Variants in CCDC3 observed in about 807,000 individuals in gnomAD.
CCDC3 encodes coiled-coil domain-containing protein 3.
CCDC3 carries 24 observed loss-of-function variants against 21.4 expected under a neutral mutation model. The ratio of observed to expected loss-of-function variants is 1.12; its 90% CI spans 0.81 to 1.58. The LOEUF (loss-of-function observed/expected upper bound fraction) is 1.58, where lower values mean the gene tolerates loss of function less well. CCDC3 is among the 40% of genes most tolerant of loss of function. The pLI is 0.00. For missense variants in CCDC3, 425 were observed against 360.9 expected (o/e 1.18, Z -1.44); for synonymous variants, 186 against 166.0 (o/e 1.12, Z -0.93).
At chr10:12,903,952 T>C (rs1834130496) in intron 2 of CCDC3, among the ~76,000 whole-genome samples, 1 of 152,258 alleles carries the variant, frequency 6.6e-6, no homozygotes, top group Non-Finnish European at 1.5e-5. Context: ...GTAACATTTC[T>C]TCCTAGTATT....
chr10:13,021,524 G>A (rs1836144554), intron 5 of CCDC3, among the ~76,000 whole-genome samples: 1 of 152,148 alleles, frequency 6.6e-6, no homozygotes, highest in African/African-American at 2.4e-5. Flanking sequence ...AATCTATTCT[G>A]CCCAGAGGTG....
In CCDC3 at chr10:13,052,967, CACACACACACACACACACAT is replaced by C. The variant is rs67068757; in HGVS notation, c.-269-3046_-269-3027del. Among the ~76,000 whole-genome samples the C allele has an allele frequency of 4.9e-3, 625 of 126,608 alleles. 4 individuals carry two copies. The highest frequency in any genetic ancestry group is 0.014 in the African/African-American group (435 of 32,186). The allele number at this position is 126,608 out of a possible 152,430, so 83.1% of individuals were successfully genotyped here. On this transcript the variant is annotated intron_variant, in intron 4 of 6. Transcript: ENST00000378839. ...ACACACACACACACACACACACACA[CACACACACACACACACACAT>C]ACACACACACACCTAGAAGTTCCAA...
chr10:13,054,701 C>A (rs111862374), intron 4 of CCDC3, among the ~76,000 whole-genome samples: 73 of 152,200 alleles, frequency 4.8e-4, no homozygotes, highest in Middle Eastern at 3.4e-3. Flanking sequence ...GAATTTCCCT[C>A]TTGTTGCCCA....
intron 2 of CCDC3, among the ~76,000 whole-genome samples, chr10:12,942,229 G>T (rs183204917): frequency 6.6e-6 from 1 of 152,132 alleles, no homozygotes; most frequent in African/African-American, 2.4e-5. Context: ...TTTGCTACCA[G>T]AGCAAGTAAT....
chr10:13,084,201 T>A (rs912713244), intron 3 of CCDC3, among the ~76,000 whole-genome samples: 2 of 152,034 alleles, frequency 1.3e-5, no homozygotes, highest in African/African-American at 4.8e-5. Flanking sequence ...ATACCTAGGG[T>A]GGACATGTTT....
At chr10:13,062,641 C>A (rs188381806) in intron 4 of CCDC3, among the ~76,000 whole-genome samples, 1 of 152,148 alleles carries the variant, frequency 6.6e-6, no homozygotes, top group African/African-American at 2.4e-5. Flanking sequence ...GCTGAACTAA[C>A]TTTGGGAGAA....
rs189474781 is a variant in CCDC3 at position 13,024,754 on chromosome 10, C to A, written c.-2+24920G>T. ...CAGATTGCGCATTCCATATTTTCTGCCTGAAAATCTCCTTAGCCAGGTCCA... is the reference window on the plus strand; with the variant it reads ...CAGATTGCGCATTCCATATTTTCTGACTGAAAATCTCCTTAGCCAGGTCCA... On this transcript the variant is annotated intron_variant, in intron 5 of 6. Coordinates refer to the CCDC3 transcript ENST00000378839. Among the ~76,000 whole-genome samples the A allele has an allele frequency of 2.7e-3, 410 of 152,292 alleles. 3 individuals carry two copies. The highest frequency in any genetic ancestry group is 9.3e-3 in the African/African-American group (385 of 41,580).
At chr10:13,072,979 G>A (rs1334465343) in intron 4 of CCDC3, among the ~76,000 whole-genome samples, 4 of 149,008 alleles carry the variant, frequency 2.7e-5, no homozygotes, top group Non-Finnish European at 5.9e-5. Flanking sequence ...CGATTCTCCT[G>A]CCTCAGCCTC....
At chr10:13,099,400 C>G (rs1413337853) in intron 1 of CCDC3, 2 of 140,584 alleles carry the variant, frequency 1.4e-5, no homozygotes, top group Non-Finnish European at 3.1e-5. Flanking sequence ...CTCCCTCTCT[C>G]CGTCCCTCCC....
intron 2 of CCDC3, among the ~76,000 whole-genome samples, chr10:12,987,731 C>T (rs1049220890): frequency 6.6e-6 from 1 of 152,146 alleles, no homozygotes; most frequent in African/African-American, 2.4e-5. Context: ...TTGGCCAATA[C>T]CCTGGGGGTG....
chr10:13,007,960 C>T (rs1396996542), intron 5 of CCDC3, among the ~76,000 whole-genome samples: 1 of 152,108 alleles, frequency 6.6e-6, no homozygotes, highest in African/African-American at 2.4e-5. Context: ...TCTGGGGCTT[C>T]CTACTGCAGG....
chr10:12,988,206 C>T (rs11813712), intron 2 of CCDC3, among the ~76,000 whole-genome samples: 7,034 of 152,224 alleles, frequency 0.046, 560 homozygotes, highest in African/African-American at 0.16. Context: ...AAGGCCAAGC[C>T]ATTTTCACCT....
At chr10:13,099,528 C>G (rs1315050551) in exon 1 of CCDC3, 1 of 151,430 alleles carries the variant, frequency 6.6e-6, no homozygotes, top group Non-Finnish European at 1.5e-5. Flanking sequence ...CTGTCTAATC[C>G]GGGGGCAGCT....
chr10:13,016,272 T>TG (rs1836057823), intron 5 of CCDC3, among the ~76,000 whole-genome samples: 1 of 150,570 alleles, frequency 6.6e-6, no homozygotes, highest in Non-Finnish European at 1.5e-5. Context: ...ATGATGCAGT[T>TG]ATCCCACCTG....
upstream of CCDC3, among the ~76,000 whole-genome samples, chr10:13,003,232 T>C (rs1185217072): frequency 1.3e-5 from 2 of 152,252 alleles, no homozygotes; most frequent in Non-Finnish European, 2.9e-5. Flanking sequence ...CCTTAGTCAT[T>C]GTTGACCATG....
intron 2 of CCDC3, among the ~76,000 whole-genome samples, chr10:12,959,879 C>T (rs750479109): frequency 6.6e-6 from 1 of 152,178 alleles, no homozygotes; most frequent in African/African-American, 2.4e-5. Context: ...CCTGGCCAGA[C>T]ACAGTGGCTC....
chr10:13,091,645 C>T (rs1832571691), intron 3 of CCDC3, among the ~76,000 whole-genome samples: 1 of 152,174 alleles, frequency 6.6e-6, no homozygotes, highest in East Asian at 1.9e-4. Flanking sequence ...TCAACAACTC[C>T]CTTCATCTCC....
intron 2 of CCDC3, among the ~76,000 whole-genome samples, chr10:12,995,086 GAA>G (rs11355303): frequency 9.2e-4 from 129 of 139,986 alleles, no homozygotes; most frequent in South Asian, 2.3e-3. Context: ...CATCTCAAAA[GAA>G]AAAAAAAAAA....
chr10:12,960,176 C>CACACACACA (rs1306804718), intron 2 of CCDC3, among the ~76,000 whole-genome samples: 1 of 151,624 alleles, frequency 6.6e-6, no homozygotes, highest in Non-Finnish European at 1.5e-5. Context: ...ACAACACACA[C>CACACACACA]ACACACACAC....
Sources: allele counts gnomAD v4.1 joint callset (sites outside exome capture counted in the v4.1 genomes callset), GRCh38; gene constraint gnomAD v4.1.1; transcripts MANE v1.5; gene names NCBI Gene and HGNC (gene_info 2026-07-23, HGNC 2026-07-21).